Variants in DACT2 observed in about 807,000 individuals in gnomAD.
The protein encoded by DACT2 is dapper homolog 2.
In DACT2, 20 loss-of-function variants were observed where a neutral mutation model predicts 22.2. The ratio of observed to expected loss-of-function variants is 0.90; its 90% confidence interval spans 0.63 to 1.31. The LOEUF is 1.31. Ranked by LOEUF, DACT2 falls within the 50% of genes most tolerant of loss-of-function variation. DACT2 has a pLI of 0.00. For missense variants in DACT2, 1,048 were observed against 1,061.4 expected, an observed-to-expected ratio of 0.99 and a Z score of 0.18; for synonymous variants, 463 against 479.8, an observed-to-expected ratio of 0.96 and a Z score of 0.46.
chr6:168,301,626 G>T (rs60430523), intron 3 of DACT2, among the ~76,000 whole-genome samples: 1 of 152,134 alleles, frequency 6.6e-6, no homozygotes, highest in Non-Finnish European at 1.5e-5. Flanking sequence ...GGCGAGATAC[G>T]CCCCCAGGAT....
At chr6:168,296,992 G>A (rs1678815813) in intron 3 of DACT2, among the ~76,000 whole-genome samples, 1 of 152,134 alleles carries the variant, frequency 6.6e-6, no homozygotes, top group Admixed American at 6.5e-5. Context: ...GGTATGTAGA[G>A]GTTAATTCAC....
chr6:168,309,066 C>T lies in DACT2; in HGVS notation c.691G>A (p.Gly231Arg), dbSNP rs1779319502. The change falls in exon 4 of 4, where the codon GGG becomes AGG. Residue 231 changes from glycine to arginine, a missense_variant. By Grantham distance (125) the Gly-to-Arg change is moderately radical (BLOSUM62 -2). Coordinates refer to ENST00000366795, the MANE Select transcript of DACT2 (RefSeq NM_214462.5). The stretch of plus-strand genomic sequence containing the variant: ...GCGTCCGCGCTGGCTTTCTGGAGCC[C>T]CGTGTCCGCCGGCAGGGCTCTGTCA... ...DLDRALPADT[G>R]LQKASADAEL... The T allele has an allele frequency of 1.3e-6, 2 of 1,535,888 alleles. No homozygotes were observed. The highest frequency in any genetic ancestry group is 2.7e-5 in the African/African-American group (2 of 72,970).
intron 5 of DACT2, chr6:168,294,056 G>T: frequency 1.4e-6 from 1 of 702,868 alleles, no homozygotes; most frequent in South Asian, 1.5e-5. Flanking sequence ...CACCCACGAT[G>T]CCCATGAGCA....
At chr6:168,297,184 TG>T (rs1014174993) in intron 3 of DACT2, among the ~76,000 whole-genome samples, 6 of 152,058 alleles carry the variant, frequency 3.9e-5, no homozygotes, top group African/African-American at 7.2e-5. Context: ...GCATGGCAGG[TG>T]GGAGTGTGGT....
chr6:168,292,895 C>A (rs1209538746), exon 6 of DACT2: 1 of 152,056 alleles, frequency 6.6e-6, no homozygotes, highest in African/African-American at 2.4e-5. Context: ...CTTTTATGGG[C>A]TGGTTTAGCT....
In DACT2 at chr6:168,308,125, G is replaced by A. The variant is rs370614642; in HGVS notation, c.1632C>T (p.Gly544=). 59 of 1,548,238 alleles carry A rather than the reference G, an allele frequency of 3.8e-5. No individual in the cohort carries two copies. The highest frequency in any genetic ancestry group is 3.3e-4 in the Middle Eastern group (2 of 5,976). Residue 544 remains glycine, a synonymous_variant, in exon 4 of 4, where the codon GGC becomes GGT. Coordinates refer to ENST00000366795, the MANE Select transcript of DACT2 (RefSeq NM_214462.5). ...WDPAHWPTGR[G]GLQRRPALAW... is the part of the protein sequence containing the mutation. ...CCAGGGCTGGCCTCCGCTGGAGCCC[G>A]CCCCTCCCTGTGGGCCAGTGGGCAG... is the stretch of plus-strand genomic sequence containing the variant.
chr6:168,309,111 A>G lies in DACT2; in HGVS notation c.659-13T>C. The G allele has an allele frequency of 2.0e-6, 3 of 1,501,174 alleles. No homozygotes were observed. Among genetic ancestry groups the G allele is most frequent in the Non-Finnish European group, 1.8e-6 (2 of 1,127,044 alleles). 93.0% of individuals were successfully genotyped at this position (1,501,174 alleles called of 1,614,324 possible). A position where few individuals can be genotyped will look rare whatever the true frequency, so the allele number is the denominator to read the frequency against. ...CTGTCAAGATCACCTGGGAGCGAGAAAAATGAACAAACACGTAACTACGGA... is the reference window on the plus strand; with the variant it reads ...CTGTCAAGATCACCTGGGAGCGAGAGAAATGAACAAACACGTAACTACGGA... On this transcript the variant is annotated splice_polypyrimidine_tract_variant and intron_variant, in intron 3 of 3. Transcript: ENST00000366795.
chr6:168,308,704 C>T lies in DACT2; in HGVS notation c.1053G>A (p.Glu351=), dbSNP rs1779303377. 3.2e-6 allele frequency: 5 copies of T among 1,548,446 alleles called. No homozygotes were observed. The highest frequency in any genetic ancestry group is 1.2e-5 in the South Asian group (1 of 84,058). Reference sequence around the variant, plus strand: ...CATGCCTTAGAGGTCCCTGTTCTCCCTCGCTACCCTTTGCTGGGGTCTCCC... The same window carrying T: ...CATGCCTTAGAGGTCCCTGTTCTCCTTCGCTACCCTTTGCTGGGGTCTCCC... The part of the protein sequence containing the change: ...WGRETPAKGS[E]GEQGPLRHAA... Residue 351 remains glutamate, a synonymous_variant, in exon 4 of 4, where the codon GAG becomes GAA. Coordinates refer to ENST00000366795, the MANE Select transcript of DACT2 (RefSeq NM_214462.5).
Position 168,319,714 on chromosome 6 carries a change from G to T in DACT2, c.-81C>A, listed in dbSNP as rs1779602398. 8.4e-7 allele frequency: 1 copy of T among 1,185,004 alleles called. No homozygotes were observed. Among genetic ancestry groups the T allele is most frequent in the Admixed American group, 4.5e-5 (1 of 21,990 alleles). 73.4% of individuals were successfully genotyped at this position (1,185,004 alleles called of 1,614,324 possible). ...GCGCGCGGATCCCGAGCTGTGTCGCGGGTCCTCCTGCGCCTCCTCTCTCCG... is the reference window on the plus strand; with the variant it reads ...GCGCGCGGATCCCGAGCTGTGTCGCTGGTCCTCCTGCGCCTCCTCTCTCCG... On this transcript the variant is annotated 5_prime_UTR_variant, in exon 1 of 4. Transcript: ENST00000366795.
chr6:168,308,376 T>A lies in DACT2; in HGVS notation c.1381A>T (p.Ile461Leu), dbSNP rs1310711946. 1 of 1,551,710 alleles carries A rather than the reference T, an allele frequency of 6.4e-7. No homozygotes were observed. The highest frequency in any genetic ancestry group is 1.4e-5 in the African/African-American group (1 of 73,046). The change falls in exon 4 of 4, where the codon ATA becomes TTA. Residue 461 changes from isoleucine to leucine, a missense_variant. By Grantham distance (5) the Ile-to-Leu change is conservative. Transcript: ENST00000366795. ...TTGTCCAGCATCCTGGATGGGGATA[T>A]GATGTTGCCTCGTCCATAGTCCTGA... The part of the protein sequence containing the change: ...SAQDYGRGNI[I>L]SPSRMLDKSP...
rs1348078168 is a variant in DACT2 at position 168,294,099 on chromosome 6, C to G, written c.795+34G>C. On this transcript the variant is annotated intron_variant, in intron 5 of 5. Transcript: ENST00000366796. ...GCGATGGCAGTTGTGCAGCTAGACC[C>G]GAAGCACACAGACAGTGAGCATGGA... 4.3e-6 allele frequency: 3 copies of G among 702,892 alleles called. No homozygotes were observed. In the Admixed American group the frequency reaches 6.0e-5, roughly 14 times the overall value. The allele number at this position is 702,892 out of a possible 1,614,324, so 43.5% of individuals were successfully genotyped here.
At position 168,296,823 on chromosome 6, in the gene DACT2, C is replaced by T. The variant is rs545323135; in HGVS notation, c.659-2119G>A. ...TAAATATGATGACATTGACCCAAAACCCTGCACTCAGCCAAAACACCATCA... is the reference window on the plus strand; with the variant it reads ...TAAATATGATGACATTGACCCAAAATCCTGCACTCAGCCAAAACACCATCA... On this transcript the variant is annotated intron_variant, in intron 3 of 5. Coordinates refer to the DACT2 transcript ENST00000366796. 3.3e-5 allele frequency among the ~76,000 whole-genome samples: 5 copies of T among 152,258 alleles called. No homozygotes were observed. The South Asian group carries it at 6.2e-4, about 19-fold the overall frequency.
At chr6:168,312,679 T>G (rs1779451198) in intron 1 of DACT2, among the ~76,000 whole-genome samples, 1 of 152,228 alleles carries the variant, frequency 6.6e-6, no homozygotes, top group Admixed American at 6.5e-5. Context: ...TTAAGGCAAA[T>G]AATTAATGAA....
At chr6:168,310,634 T>C (rs1779373817) in intron 2 of DACT2, among the ~76,000 whole-genome samples, 188 bp from the exon 3 acceptor site, 1 of 152,160 alleles carries the variant, frequency 6.6e-6, no homozygotes, top group Non-Finnish European at 1.5e-5. Flanking sequence ...TGTTCAGGAT[T>C]CTTCCCAGGA....
In DACT2 at chr6:168,319,426, G is replaced by A. The variant is rs1445071211; in HGVS notation, c.208C>T (p.Gln70Ter). Residue 70 changes from glutamine (Q) to a stop codon, truncating the protein, a stop_gained, in exon 1 of 4, where the codon CAG becomes TAG. Coordinates refer to ENST00000366795, the MANE Select transcript of DACT2 (RefSeq NM_214462.5). LOFTEE classifies it high-confidence loss of function. ...GPHGLHGPEQQLEAALAALQE... is the reference protein window; with the variant it reads ...GPHGLHGPEQ The stretch of plus-strand genomic sequence containing the variant: ...AGCGCGGCCAGCGCCGCCTCCAGCT[G>A]CTGCTCGGGGCCGTGGAGGCCGTGG... 1.0e-5 allele frequency: 12 copies of A among 1,204,838 alleles called. No homozygotes were observed. Among genetic ancestry groups the A allele is most frequent in the Non-Finnish European group, 1.2e-5 (12 of 971,028 alleles). The allele number at this position is 1,204,838 out of a possible 1,614,324, so 74.6% of individuals were successfully genotyped here. A position where few individuals can be genotyped will look rare whatever the true frequency, so the allele number is the denominator to read the frequency against.
Position 168,307,867 on chromosome 6 carries a change from C to T in DACT2, c.1890G>A (p.Gly630=). The change falls in exon 4 of 4, where the codon GGG becomes GGA. Residue 630 remains glycine (G), a synonymous_variant. Coordinates refer to ENST00000366795, the MANE Select transcript of DACT2 (RefSeq NM_214462.5). This position sits in a 1 kb window ranked among gnomAD's most constrained non-coding sequence, Gnocchi z 5.3. ...CTCTCCTGGCCACGGGCCTGGGGGG[C>T]CCCAGGTTAGACTCAGGACAGCTGG... ...RLASCPESNL[G]PPRPVARRAG... is the part of the protein sequence containing the mutation. 3.2e-6 allele frequency: 5 copies of T among 1,538,924 alleles called. No homozygotes were observed. Among genetic ancestry groups the T allele is most frequent in the African/African-American group, 1.4e-5 (1 of 73,006 alleles).
chr6:168,310,058 A>AC, intron 3 of DACT2, 110 bp downstream of exon 3: 15 of 1,453,448 alleles, frequency 1.0e-5, no homozygotes, highest in Non-Finnish European at 1.3e-5. Context: ...TTAGAGCCTG[A>AC]CAGCGTGCTC....
exon 4 of DACT2, chr6:168,294,649 G>A (rs1245955255): frequency 2.0e-6 from 3 of 1,477,720 alleles, no homozygotes; most frequent in Admixed American, 2.2e-5. Context: ...GTGAACTGGA[G>A]GTGCAGCCTG....
intron 3 of DACT2, among the ~76,000 whole-genome samples, chr6:168,301,889 C>T (rs1423356078): frequency 6.6e-6 from 1 of 152,252 alleles, no homozygotes; most frequent in Admixed American, 6.5e-5. Context: ...GGATGACCCA[C>T]AAGTCCACAC....
Sources: allele counts gnomAD v4.1 joint callset (sites outside exome capture counted in the v4.1 genomes callset), GRCh38; gene constraint gnomAD v4.1.1; non-coding constraint Gnocchi (gnomAD v3.1); transcripts MANE v1.5; gene names NCBI Gene and HGNC (gene_info 2026-07-23, HGNC 2026-07-21).